The following VPS13A variants were observed in gnomAD, a reference collection of about 807,000 sequenced individuals.
VPS13A encodes the protein intermembrane lipid transfer protein VPS13A.
In VPS13A, 264 loss-of-function variants were observed where a neutral mutation model predicts 390.9. That is an observed-to-expected ratio of 0.68 (90% confidence interval 0.61 to 0.75). The LOEUF (loss-of-function observed/expected upper bound fraction) is 0.75, where lower values mean the gene tolerates loss of function less well. Among genes scored for constraint, VPS13A ranks in the 30% least tolerant of loss-of-function variants. The pLI is 0.00. For synonymous variants in VPS13A, 1,231 were observed against 1,227.1 expected, an observed-to-expected ratio of 1.00 and a Z score of -0.07; for missense variants, 3,409 against 3,733.9, an observed-to-expected ratio of 0.91 and a Z score of 2.27.
chr9:77,382,573 T>G, intron 68 of VPS13A: 1 of 1,127,940 alleles, frequency 8.9e-7, no homozygotes, highest in Non-Finnish European at 1.1e-6. Flanking sequence ...TGTGGGGTTA[T>G]TAAACCACTG....
chr9:77,408,797 G>T (rs2131661891), intron 71 of VPS13A, among the ~76,000 whole-genome samples: 1 of 152,356 alleles, frequency 6.6e-6, no homozygotes, highest in South Asian at 2.1e-4. Flanking sequence ...AAGCAGCTGG[G>T]AAGCTCGAAC....
chr9:77,364,307 C>A (rs112242967), intron 59 of VPS13A, among the ~76,000 whole-genome samples: 4,531 of 152,258 alleles, frequency 0.03, 97 homozygotes, highest in Non-Finnish European at 0.049. Context: ...TGCCTGTAAT[C>A]CCAGCTACTC....
In VPS13A at chr9:77,298,895, C is replaced by T. The variant is rs189996822; in HGVS notation, c.3812+3049C>T. On this transcript the variant is annotated intron_variant, in intron 33 of 71. Coordinates refer to ENST00000360280, the MANE Select transcript of VPS13A (RefSeq NM_033305.3). ...TGGCTCTCATCCTCTTTTTGCCTGCCGCTGTGTAAGATGTGCCGCTGTGTC... is the reference window on the plus strand; with the variant it reads ...TGGCTCTCATCCTCTTTTTGCCTGCTGCTGTGTAAGATGTGCCGCTGTGTC... Among the ~76,000 whole-genome samples the T allele has an allele frequency of 1.3e-3, 201 of 152,176 alleles. 1 individual carries two copies. Among genetic ancestry groups the T allele is most frequent in the African/African-American group, 4.1e-3 (172 of 41,536 alleles).
At chr9:77,390,991 TAAAAG>T (rs1234888940) in intron 68 of VPS13A, among the ~76,000 whole-genome samples, 1 of 152,210 alleles carries the variant, frequency 6.6e-6, no homozygotes, top group Non-Finnish European at 1.5e-5. Context: ...ATTATAACAT[TAAAAG>T]AAATCCTCAA....
At chr9:77,196,255 A>G (rs920397661) in intron 1 of VPS13A, among the ~76,000 whole-genome samples, 7 of 152,210 alleles carry the variant, frequency 4.6e-5, no homozygotes, top group African/African-American at 1.7e-4. Flanking sequence ...GTTTCAATAC[A>G]TGTATACATT....
At position 77,412,477 on chromosome 9, in the gene VPS13A, G is replaced by A. The variant is rs1025002316; in HGVS notation, c.9475-3479G>A. ...ATAAACATAATCCAGCATATAAACAGAACCAATGACAAAAACCATATGATT... is the reference window on the plus strand; with the variant it reads ...ATAAACATAATCCAGCATATAAACAAAACCAATGACAAAAACCATATGATT... On this transcript the variant is annotated intron_variant, in intron 71 of 71. Coordinates refer to ENST00000360280, the MANE Select transcript of VPS13A (RefSeq NM_033305.3). 3.9e-5 allele frequency among the ~76,000 whole-genome samples: 6 copies of A among 152,286 alleles called. No individual in the cohort carries two copies. In the South Asian group the frequency reaches 8.3e-4, roughly 21 times the overall value.
intron 67 of VPS13A, 39 bp from the exon 68 acceptor site, chr9:77,381,937 A>G (rs760648620): frequency 7.3e-7 from 1 of 1,367,088 alleles, no homozygotes; most frequent in Non-Finnish European, 1.0e-6. Flanking sequence ...CAAGTTTTTG[A>G]ATAATTTTTA....
intron 1 of VPS13A, among the ~76,000 whole-genome samples, chr9:77,191,983 T>A (rs920712821): frequency 6.6e-6 from 1 of 152,188 alleles, no homozygotes; most frequent in African/African-American, 2.4e-5. Flanking sequence ...GTTGTGCAAG[T>A]CTCTGTAGGT....
At chr9:77,344,753 C>T (rs530092951) in intron 51 of VPS13A, among the ~76,000 whole-genome samples, 63 of 150,074 alleles carry the variant, frequency 4.2e-4, no homozygotes, top group African/African-American at 1.4e-3. Flanking sequence ...AGCAAGACTC[C>T]GTCTCAAGAA....
chr9:77,390,687 G>GTTA (rs1413635913), intron 68 of VPS13A, among the ~76,000 whole-genome samples: 20 of 130,190 alleles, frequency 1.5e-4, no homozygotes, highest in Middle Eastern at 4.7e-3. Context: ...TGTTGTTGTT[G>GTTA]TTTGTTGTTG....
intron 32 of VPS13A, among the ~76,000 whole-genome samples, chr9:77,294,540 T>G (rs963003166): frequency 6.6e-6 from 1 of 152,190 alleles, no homozygotes; most frequent in Non-Finnish European, 1.5e-5. Context: ...AGAAAAGTAT[T>G]TGCGTGTTCA....
intron 67 of VPS13A, among the ~76,000 whole-genome samples, chr9:77,374,424 A>G (rs891245754): frequency 1.2e-4 from 19 of 152,226 alleles, no homozygotes; most frequent in East Asian, 1.9e-4. Flanking sequence ...GACAGCTACT[A>G]TGTCACTAAT....
intron 1 of VPS13A, among the ~76,000 whole-genome samples, chr9:77,198,142 GTATT>G (rs1321280517): frequency 2.0e-5 from 3 of 152,074 alleles, no homozygotes; most frequent in African/African-American, 4.8e-5. Flanking sequence ...AGAATGTACT[GTATT>G]TATTTATTTT....
chr9:77,304,226 C>G (rs1828575202), intron 34 of VPS13A, among the ~76,000 whole-genome samples: 1 of 151,738 alleles, frequency 6.6e-6, no homozygotes, highest in South Asian at 2.1e-4. Flanking sequence ...GCACGTCCTG[C>G]ACAGCCCTAG....
chr9:77,314,105 C>A lies in VPS13A; in HGVS notation c.4228C>A (p.Pro1410Thr). Residue 1410 changes from proline to threonine, a missense_variant, in exon 36 of 72, where the codon CCA becomes ACA. Coordinates refer to ENST00000360280, the MANE Select transcript of VPS13A (RefSeq NM_033305.3). Reference protein sequence around the residue: ...TDDLTMVLYSPGPKQASFTDV... With the variant: ...TDDLTMVLYSTGPKQASFTDV... ...TGATCTCACCATGGTGCTGTATAGT[C>A]CAGGTCCTAAACAGGTAAGTCCAGG... 1 of 1,613,028 alleles carries A rather than the reference C, an allele frequency of 6.2e-7. No homozygotes were observed. Among genetic ancestry groups the A allele is most frequent in the Non-Finnish European group, 8.5e-7 (1 of 1,179,444 alleles).
intron 20 of VPS13A, 150 bp from the exon 21 acceptor site, chr9:77,249,947 C>T (rs1825059929): frequency 6.5e-6 from 5 of 769,804 alleles, no homozygotes; most frequent in African/African-American, 1.8e-5. Flanking sequence ...TATATCTCAT[C>T]GATGAGGACC....
intron 61 of VPS13A, among the ~76,000 whole-genome samples, chr9:77,367,383 GAGA>G (rs1832490857): frequency 6.6e-6 from 1 of 152,158 alleles, no homozygotes; most frequent in Non-Finnish European, 1.5e-5. Flanking sequence ...GACTTTAGAA[GAGA>G]ATAACCCTTT....
chr9:77,388,619 G>T (rs1283789795), intron 68 of VPS13A, among the ~76,000 whole-genome samples: 1 of 152,080 alleles, frequency 6.6e-6, no homozygotes, highest in Non-Finnish European at 1.5e-5. Context: ...AACTTGTAAA[G>T]ATTTCTCCTG....
Position 77,278,443 on chromosome 9 carries a change from A to G in VPS13A, c.2825-1716A>G, listed in dbSNP as rs117884384. 7.4e-3 allele frequency among the ~76,000 whole-genome samples: 1,129 copies of G among 152,170 alleles called. 8 individuals carry two copies. The highest frequency in any genetic ancestry group is 8.0e-3 in the Non-Finnish European group (547 of 68,016). On this transcript the variant is annotated intron_variant, in intron 26 of 71. Transcript: ENST00000360280. ...AACAAAGGATTAAAAAACCCTTGCA[A>G]ACAGAAAAAAGAGTATACAATTATT...
Sources: gnomAD v4.1 joint callset for allele counts (sites outside exome capture counted in the v4.1 genomes callset) on GRCh38, gnomAD v4.1.1 for gene constraint, MANE v1.5 for transcripts, NCBI Gene and HGNC (gene_info 2026-07-23, HGNC 2026-07-21) for gene names.